The following CCDC88C variants were observed in gnomAD, a reference collection of about 807,000 sequenced individuals.
CCDC88C encodes the protein coiled-coil and HOOK domain protein 88C, also known as protein Daple.
CCDC88C carries 131 observed loss-of-function variants against 198.8 expected under a neutral mutation model. That is an observed-to-expected ratio of 0.66 (90% CI 0.57 to 0.76). CCDC88C has a LOEUF of 0.76. Among genes scored for constraint, CCDC88C ranks in the 30% least tolerant of loss-of-function variants. The probability of loss-of-function intolerance (pLI) is 0.00; values close to 1 mark genes in which losing one functional copy is unlikely to be tolerated. For missense variants in CCDC88C, 2,553 were observed against 2,631.6 expected (o/e 0.97, Z 0.65); for synonymous variants, 1,166 against 1,114.7 (o/e 1.05, Z -0.92).
At chr14:91,348,178 G>C (rs1893633049) in intron 4 of CCDC88C, among the ~76,000 whole-genome samples, 1 of 151,944 alleles carries the variant, frequency 6.6e-6, no homozygotes, top group Admixed American at 6.6e-5. Flanking sequence ...GCCAATTTTT[G>C]TATTTTCATT....
intron 3 of CCDC88C, among the ~76,000 whole-genome samples, chr14:91,391,022 G>A (rs1056247889): frequency 6.6e-6 from 1 of 152,140 alleles, no homozygotes; most frequent in Non-Finnish European, 1.5e-5. Context: ...AGACTGAAAT[G>A]GGAAGGAAGT....
rs1364704383 is a variant in CCDC88C, at chr14:91,273,046, G to A, written c.5666C>T (p.Ala1889Val). The A allele has an allele frequency of 3.9e-6, 6 of 1,555,534 alleles. No individual in the cohort carries two copies. The South Asian group carries it at 4.7e-5, about 12-fold the overall frequency. The change falls in exon 30 of 30, where the codon GCT (alanine) becomes GTT (valine). Residue 1889 changes from alanine to valine, a missense_variant. Physicochemically the swap from Ala to Val is moderately conservative, Grantham distance 64 (BLOSUM62 0). Around this residue, in one of 2 missense-constraint regions of CCDC88C, gnomAD observed 1,293 missense variants for 1,219.6 expected, o/e 1.06. Coordinates refer to ENST00000389857, the MANE Select transcript of CCDC88C (RefSeq NM_001080414.4). This position sits in a 1 kb window ranked among gnomAD's most constrained non-coding sequence, Gnocchi z 5.6. ...RPLDTRRFSLAPPKEERLAPL... is the reference protein window; with the variant it reads ...RPLDTRRFSLVPPKEERLAPL... The stretch of plus-strand genomic sequence containing the variant: ...GGCCAGCCTCTCCTCCTTTGGGGGA[G>A]CCAGGGAGAAGCGCCTCGTGTCCAG...
chr14:91,417,398 G>A, intron 1 of CCDC88C: 1 of 572,796 alleles, frequency 1.7e-6, no homozygotes, highest in South Asian at 2.1e-5. Context: ...TCCTGGCCCG[G>A]CCGAAAGCGC....
At chr14:91,283,687 G>A (rs377091200) in intron 25 of CCDC88C, 170 bp from the exon 26 acceptor site, 6 of 634,550 alleles carry the variant, frequency 9.5e-6, no homozygotes, top group South Asian at 5.9e-5. Context: ...CGGGGCAGGT[G>A]GGGGCAAGAG....
intron 14 of CCDC88C, 132 bp from the exon 15 acceptor site, chr14:91,314,282 GT>G: frequency 1.4e-6 from 1 of 692,750 alleles, no homozygotes; most frequent in Non-Finnish European, 2.4e-6. Context: ...CTGCCTGTGC[GT>G]TCCCCAGAGG....
intron 4 of CCDC88C, among the ~76,000 whole-genome samples, chr14:91,345,190 A>ATATATATATATTTTTTTTTTT (rs1246878587): frequency 3.8e-5 from 2 of 52,206 alleles, no homozygotes; most frequent in African/African-American, 1.6e-4. Flanking sequence ...ATATATATAT[A>ATATATATATATTTTTTTTTTT]TTTTTTTTTT....
At chr14:91,287,045 G>A (rs534629279) in intron 25 of CCDC88C, among the ~76,000 whole-genome samples, 4 of 152,144 alleles carry the variant, frequency 2.6e-5, no homozygotes, top group South Asian at 4.1e-4. Context: ...GCTTGCTCAC[G>A]GATCACTTTG....
At chr14:91,410,945 A>G (rs1182021213) in intron 2 of CCDC88C, among the ~76,000 whole-genome samples, 1 of 152,200 alleles carries the variant, frequency 6.6e-6, no homozygotes, top group Non-Finnish European at 1.5e-5. Context: ...GCATACACTC[A>G]GGGTCGGGAA....
chr14:91,410,244 C>A (rs919475341), intron 2 of CCDC88C, among the ~76,000 whole-genome samples: 1 of 152,194 alleles, frequency 6.6e-6, no homozygotes, highest in Non-Finnish European at 1.5e-5. Flanking sequence ...ATAACAAAGG[C>A]CTCCCTTCCA....
chr14:91,320,640 C>A (rs572941142), intron 13 of CCDC88C, among the ~76,000 whole-genome samples: 1 of 152,174 alleles, frequency 6.6e-6, no homozygotes, highest in Non-Finnish European at 1.5e-5. Context: ...TGGGACTGAG[C>A]CCTTAGGCTG....
In CCDC88C at chr14:91,297,329, C is replaced by T; in HGVS notation, c.3942G>A (p.Leu1314=). The stretch of plus-strand genomic sequence containing the variant: ...CCTCACAGTGGTTGTCCAGCTTGGT[C>T]AGCGAGATGTCCATGGTCTGGTGCT... ...KEQHQTMDIS[L]TKLDNHCELL... Residue 1314 remains leucine, a synonymous_variant, in exon 22 of 30, where the codon CTG becomes CTA. Coordinates refer to ENST00000389857, the MANE Select transcript of CCDC88C (RefSeq NM_001080414.4). 3 of 1,613,542 alleles carry T rather than the reference C, an allele frequency of 1.9e-6. No homozygotes were observed. Among genetic ancestry groups the T allele is most frequent in the Middle Eastern group, 1.6e-4 (1 of 6,062 alleles).
chr14:91,293,500 C>CCGCCAGAGCTCACCTTCCCATCCTCACG (rs1567055535), intron 23 of CCDC88C, among the ~76,000 whole-genome samples: 1 of 120,738 alleles, frequency 8.3e-6, no homozygotes, highest in Non-Finnish European at 1.8e-5. Context: ...CCATCCTCAC[C>CCGCCAGAGCTCACCTTCCCATCCTCACG]TGCCACGGCC....
intron 4 of CCDC88C, among the ~76,000 whole-genome samples, chr14:91,356,098 GTTC>G (rs1269788769): frequency 3.3e-5 from 5 of 152,068 alleles, no homozygotes; most frequent in African/African-American, 1.2e-4. Flanking sequence ...CACCAACTTT[GTTC>G]TTTGTTTAAA....
At position 91,272,821 on chromosome 14, in the gene CCDC88C, T is replaced by C. The variant is rs1475204222; in HGVS notation, c.5891A>G (p.Glu1964Gly). ...TPVRAGLSLS[E>G]GDGVPGQGCS... ...GCCCTGCCCCGGGACCCCGTCTCCC[T>C]CTGAGAGGCTGAGCCCTGCCCGGAC... The change falls in exon 30 of 30, where the codon GAG becomes GGG. Residue 1964 changes from glutamate (E) to glycine (G), a missense_variant. By Grantham distance (98) the Glu-to-Gly change is moderately conservative (BLOSUM62 -2). Around this residue, in one of 2 missense-constraint regions of CCDC88C, gnomAD observed 1,293 missense variants for 1,219.6 expected, o/e 1.06. Coordinates refer to ENST00000389857, the MANE Select transcript of CCDC88C (RefSeq NM_001080414.4). The C allele has an allele frequency of 6.3e-7, 1 of 1,596,504 alleles. No homozygotes were observed. The highest frequency in any genetic ancestry group is 1.1e-5 in the South Asian group (1 of 89,970).
intron 23 of CCDC88C, among the ~76,000 whole-genome samples, chr14:91,292,140 C>T (rs951686349): frequency 2.0e-5 from 3 of 152,142 alleles, no homozygotes; most frequent in Non-Finnish European, 2.9e-5. Context: ...TGAGGTGAGC[C>T]CCTGTAACAA....
intron 3 of CCDC88C, among the ~76,000 whole-genome samples, chr14:91,375,387 C>T (rs955788237): frequency 1.1e-4 from 16 of 152,176 alleles, no homozygotes; most frequent in African/African-American, 3.9e-4. Flanking sequence ...CTGTGTGAGG[C>T]TCCGACCTGA....
intron 20 of CCDC88C, among the ~76,000 whole-genome samples, chr14:91,301,908 TA>T (rs1226550272): frequency 3.9e-5 from 6 of 152,022 alleles, no homozygotes; most frequent in Admixed American, 2.6e-4. Flanking sequence ...ACGTACACAA[TA>T]AATGTCACAC....
chr14:91,403,971 G>A (rs1292326228), intron 3 of CCDC88C, among the ~76,000 whole-genome samples: 1 of 152,224 alleles, frequency 6.6e-6, no homozygotes, highest in Non-Finnish European at 1.5e-5. Context: ...AGATGAAAAG[G>A]AGGTTGGCTG....
rs759425043 is a variant in CCDC88C, at chr14:91,289,288, C to T, written c.4258G>A (p.Glu1420Lys). Reference protein sequence around the residue: ...ALVKLIKPKKEGSRERLKSTV... With the variant: ...ALVKLIKPKKKGSRERLKSTV... ...GATTTTAAGCGTTCCCTCGAACCCT[C>T]TTTCTTTGGTTTGATGAGTTTGACT... Residue 1420 changes from glutamate to lysine, a missense_variant, in exon 25 of 30, where the codon GAG (glutamate) becomes AAG (lysine). Physicochemically the swap from Glu to Lys is moderately conservative, Grantham distance 56. This residue lies in a region of CCDC88C where 1,293 missense variants were observed against 1,219.6 expected (regional missense o/e 1.06). Transcript: ENST00000389857. 1 of 1,614,054 alleles carries T rather than the reference C, an allele frequency of 6.2e-7. No individual in the cohort carries two copies. Among genetic ancestry groups the T allele is most frequent in the South Asian group, 1.1e-5 (1 of 91,086 alleles).
Sources: allele counts gnomAD v4.1 joint callset (sites outside exome capture counted in the v4.1 genomes callset), GRCh38; gene constraint gnomAD v4.1.1; regional missense constraint gnomAD v4.1.1; non-coding constraint Gnocchi (gnomAD v3.1); transcripts MANE v1.5; gene names NCBI Gene and HGNC (gene_info 2026-07-23, HGNC 2026-07-21).